EPHA8: variants seen among roughly 807,000 people sequenced by gnomAD.
EPHA8 encodes EPH receptor A8.
Under a neutral mutation model 103.6 loss-of-function variants are expected in EPHA8, and 58 were observed. That is an observed-to-expected ratio of 0.56 (90% CI 0.45 to 0.70). EPHA8 has a LOEUF of 0.70. EPHA8 is among the 30% of genes least tolerant of loss of function. The pLI, the probability that EPHA8 is intolerant of heterozygous loss-of-function variation, is 0.00. For missense variants in EPHA8, 1,304 were observed against 1,395.2 expected (o/e 0.93, Z 1.04); for synonymous variants, 559 against 572.5 (o/e 0.98, Z 0.34).
Position 22,586,756 on chromosome 1 carries a change from C to G in EPHA8, c.979+121C>G. The stretch of plus-strand genomic sequence containing the variant: ...TGGTGGGGCAGGGGCGGGTGGCTCT[C>G]TTGAGCCAGAGGCCAGTCTGAGGTG... On this transcript the variant is annotated intron_variant, in intron 4 of 16. Coordinates refer to ENST00000166244, the MANE Select transcript of EPHA8 (RefSeq NM_020526.5). The G allele has an allele frequency of 2.3e-6, 3 of 1,293,154 alleles. No individual in the cohort carries two copies. The South Asian group carries it at 4.4e-5, about 19-fold the overall frequency. 80.1% of individuals were successfully genotyped at this position (1,293,154 alleles called of 1,614,324 possible). A position where few individuals can be genotyped will look rare whatever the true frequency, so the allele number is the denominator to read the frequency against.
intron 3 of EPHA8, among the ~76,000 whole-genome samples, chr1:22,582,564 C>T (rs1375554341): frequency 6.6e-6 from 1 of 152,166 alleles, no homozygotes; most frequent in Non-Finnish European, 1.5e-5. Flanking sequence ...ATGTGGGGTT[C>T]GTCCAGTTTA....
intron 3 of EPHA8, among the ~76,000 whole-genome samples, chr1:22,578,847 G>T (rs1031407624): frequency 3.1e-4 from 47 of 151,368 alleles, no homozygotes; most frequent in Non-Finnish European, 5.6e-4. Context: ...ATATGCATGT[G>T]TGCATGCATG....
Position 22,601,697 on chromosome 1 carries a change from C to G in EPHA8, c.2974C>G (p.Arg992Gly). The G allele has an allele frequency of 6.3e-7, 1 of 1,581,468 alleles. No homozygotes were observed. The highest frequency in any genetic ancestry group is 8.6e-7 in the Non-Finnish European group (1 of 1,163,684). The change falls in exon 17 of 17, where the codon CGG becomes GGG. Residue 992 changes from arginine to glycine, a missense_variant. Physicochemically the swap from Arg to Gly is moderately radical, Grantham distance 125. Coordinates refer to ENST00000166244, the MANE Select transcript of EPHA8 (RefSeq NM_020526.5). Reference protein sequence around the residue: ...KKILGSIQTMRAQLTSTQGPR... With the variant: ...KKILGSIQTMGAQLTSTQGPR... ...GATCCTGGGCAGCATTCAGACCATG[C>G]GGGCCCAGCTGACCAGCACCCAGGG...
intron 3 of EPHA8, among the ~76,000 whole-genome samples, chr1:22,583,433 T>TGGGACG (rs1247684449): frequency 1.3e-5 from 2 of 152,356 alleles, no homozygotes; most frequent in East Asian, 3.9e-4. Flanking sequence ...CTCTCAGCTC[T>TGGGACG]GGGACGGTGC....
intron 1 of EPHA8, among the ~76,000 whole-genome samples, chr1:22,566,176 C>T (rs539958170): frequency 6.6e-6 from 1 of 151,986 alleles, no homozygotes; most frequent in Non-Finnish European, 1.5e-5. Context: ...TGCAGAGACG[C>T]CCCCCGGACC....
intron 5 of EPHA8, among the ~76,000 whole-genome samples, chr1:22,590,643 A>G (rs1217243874): frequency 6.6e-6 from 1 of 151,886 alleles, no homozygotes; most frequent in Non-Finnish European, 1.5e-5. Flanking sequence ...CCTCCTTTAA[A>G]TGGCCTCTAA....
At chr1:22,584,618 C>CT (rs1261033184) in intron 3 of EPHA8, among the ~76,000 whole-genome samples, 1 of 152,154 alleles carries the variant, frequency 6.6e-6, no homozygotes, top group Non-Finnish European at 1.5e-5. Flanking sequence ...CTCTCAGGCA[C>CT]TGAGTTTTCC....
intron 3 of EPHA8, among the ~76,000 whole-genome samples, chr1:22,579,332 T>C (rs1640969582): frequency 6.7e-6 from 1 of 150,130 alleles, no homozygotes; most frequent in Non-Finnish European, 1.5e-5. Flanking sequence ...CATGTGTCCA[T>C]GTGTGCATGA....
chr1:22,569,833 G>A lies in EPHA8; in HGVS notation c.159+480G>A, dbSNP rs989443060. On this transcript the variant is annotated intron_variant, in intron 2 of 16. Transcript: ENST00000166244. This position sits in a 1 kb window ranked among gnomAD's most constrained non-coding sequence, Gnocchi z 4.5. The stretch of plus-strand genomic sequence containing the variant: ...GGTCGCTGTGGGTCATGTGCTCACA[G>A]GCCGTGCCCCCATCCTCCTGGGGAA... Among the ~76,000 whole-genome samples, 4 of 152,186 alleles carry A rather than the reference G, an allele frequency of 2.6e-5. No homozygotes were observed. The highest frequency in any genetic ancestry group is 7.2e-5 in the African/African-American group (3 of 41,442).
intron 3 of EPHA8, among the ~76,000 whole-genome samples, chr1:22,579,823 G>A (rs1011484363): frequency 2.0e-5 from 3 of 152,212 alleles, no homozygotes; most frequent in Non-Finnish European, 4.4e-5. Context: ...CGGGGCCCTT[G>A]TCAGCTGCTG....
intron 3 of EPHA8, among the ~76,000 whole-genome samples, chr1:22,578,113 T>A (rs1293126049): frequency 7.9e-4 from 55 of 69,898 alleles, no homozygotes; most frequent in East Asian, 2.6e-3. Context: ...TATGCATGTG[T>A]GCGTGAGTGT....
chr1:22,585,051 GCGCA>G (rs1278940388), intron 3 of EPHA8, among the ~76,000 whole-genome samples: 7 of 54,962 alleles, frequency 1.3e-4, no homozygotes, highest in African/African-American at 8.9e-4. Context: ...GTGTGTGTGT[GCGCA>G]CGCGTGTGTC....
chr1:22,596,029 G>T lies in EPHA8; in HGVS notation c.1698-77G>T. ...GAAGGGGCATGAAGAGAGAAGCCAT[G>T]ACTCGTTCCCTGGTTGGGGTCAGGT... is the stretch of plus-strand genomic sequence containing the variant. On this transcript the variant is annotated intron_variant, in intron 8 of 16. Coordinates refer to ENST00000166244, the MANE Select transcript of EPHA8 (RefSeq NM_020526.5). 19 of 1,367,898 alleles carry T rather than the reference G, an allele frequency of 1.4e-5. 1 individual carries two copies. The South Asian group carries it at 2.2e-4, about 16-fold the overall frequency. The allele number at this position is 1,367,898 out of a possible 1,614,324, so 84.7% of individuals were successfully genotyped here. A position where few individuals can be genotyped will look rare whatever the true frequency, so the allele number is the denominator to read the frequency against.
rs750800877 is a variant in EPHA8 at position 22,601,480 on chromosome 1, G to A, written c.2903+7G>A. The A allele has an allele frequency of 1.9e-6, 3 of 1,609,062 alleles. No homozygotes were observed. The highest frequency in any genetic ancestry group is 1.7e-6 in the Non-Finnish European group (2 of 1,179,478). On this transcript the variant is annotated splice_region_variant and intron_variant, in intron 16 of 16. Coordinates refer to ENST00000166244, the MANE Select transcript of EPHA8 (RefSeq NM_020526.5). Reference sequence around the variant, plus strand: ...TGCTACGCATGAACGCCCAGTGAGTGATGGGTGGGGCTGGGGCCCCATGCG... The same window carrying A: ...TGCTACGCATGAACGCCCAGTGAGTAATGGGTGGGGCTGGGGCCCCATGCG...
chr1:22,590,001 AG>A (rs2148254707), intron 5 of EPHA8, among the ~76,000 whole-genome samples: 1 of 152,312 alleles, frequency 6.6e-6, no homozygotes, highest in East Asian at 1.9e-4. Context: ...TGGCAGAGGC[AG>A]GGCTCAAACC....
intron 2 of EPHA8, among the ~76,000 whole-genome samples, chr1:22,573,671 C>T (rs536705772): frequency 6.6e-6 from 1 of 152,348 alleles, no homozygotes; most frequent in East Asian, 1.9e-4. Flanking sequence ...CTGCCCTCAT[C>T]CTCCAGCTCC....
chr1:22,585,644 G>A (rs901797979), intron 3 of EPHA8, among the ~76,000 whole-genome samples: 1 of 152,218 alleles, frequency 6.6e-6, no homozygotes. Flanking sequence ...GCATGATCAC[G>A]CAGGCAGCTG....
At position 22,567,692 on chromosome 1, in the gene EPHA8, C is replaced by G. The variant is rs549537594; in HGVS notation, c.95-1597C>G. 2.0e-5 allele frequency among the ~76,000 whole-genome samples: 3 copies of G among 152,212 alleles called. No individual in the cohort carries two copies. Among genetic ancestry groups the G allele is most frequent in the Admixed American group, 2.0e-4 (3 of 15,286 alleles). Reference sequence around the variant, plus strand: ...CTCACTCCAGCATTTCCTGAGGACACTTGTCTCTGTCTTCGAGGGGCAGGC... The same window carrying G: ...CTCACTCCAGCATTTCCTGAGGACAGTTGTCTCTGTCTTCGAGGGGCAGGC... On this transcript the variant is annotated intron_variant, in intron 1 of 16. Transcript: ENST00000166244. This position sits in a 1 kb window ranked among gnomAD's most constrained non-coding sequence, Gnocchi z 4.2.
rs2148273057 is a variant in EPHA8 at position 22,601,003 on chromosome 1, C to T, written c.2644C>T (p.Arg882Trp). ...LDCWHKDRAQ[R>W]PRFSQIVSVL... ...CTGTTGGCACAAGGACCGGGCGCAG[C>T]GGCCTCGCTTCTCCCAGATTGTCAG... The change falls in exon 15 of 17, where the codon CGG becomes TGG. Residue 882 changes from arginine (R) to tryptophan (W), a missense_variant. Transcript: ENST00000166244. 2.5e-6 allele frequency: 4 copies of T among 1,612,904 alleles called. No homozygotes were observed. Among genetic ancestry groups the T allele is most frequent in the African/African-American group, 1.3e-5 (1 of 75,046 alleles).
Sources: allele counts gnomAD v4.1 joint callset (sites outside exome capture counted in the v4.1 genomes callset), GRCh38; gene constraint gnomAD v4.1.1; non-coding constraint Gnocchi (gnomAD v3.1); transcripts MANE v1.5; gene names NCBI Gene and HGNC (gene_info 2026-07-23, HGNC 2026-07-21).